UGT2B4: variants seen among roughly 807,000 people sequenced by gnomAD.
UGT2B4 encodes UDP glucuronosyltransferase family 2 member B4.
A neutral mutation model predicts 49.8 loss-of-function variants in UGT2B4; 49 were observed. The ratio of observed to expected loss-of-function variants is 0.98; its 90% CI spans 0.78 to 1.25. The LOEUF (loss-of-function observed/expected upper bound fraction) is 1.25. UGT2B4 is among the 50% of genes most tolerant of loss of function. The pLI, the probability that UGT2B4 is intolerant of heterozygous loss-of-function variation, is 0.00. For missense variants in UGT2B4, 729 were observed against 627.7 expected (o/e 1.16, Z -1.73); for synonymous variants, 246 against 217.7 (o/e 1.13, Z -1.14).
chr4:69,498,145 A>G (rs1728213536), upstream of UGT2B4, among the ~76,000 whole-genome samples: 1 of 152,244 alleles, frequency 6.6e-6, no homozygotes, highest in African/African-American at 2.4e-5. Context: ...TTGTGTAAAC[A>G]TAACTTTTAT....
intron 4 of UGT2B4, among the ~76,000 whole-genome samples, chr4:69,485,642 G>A (rs1727759058): frequency 1.3e-5 from 2 of 152,066 alleles, no homozygotes; most frequent in Admixed American, 1.3e-4. Flanking sequence ...ATTAATACAA[G>A]ATTACCAGTT....
chr4:69,525,381 G>A (rs2109837295), intron 1 of UGT2B4, among the ~76,000 whole-genome samples: 1 of 152,252 alleles, frequency 6.6e-6, no homozygotes, highest in Non-Finnish European at 1.5e-5. Context: ...CAAAAGCAAA[G>A]GCACTGATGT....
chr4:69,500,590 C>CAAGAAAAGA, upstream of UGT2B4, among the ~76,000 whole-genome samples: 4 of 61,000 alleles, frequency 6.6e-5, no homozygotes, highest in African/African-American at 2.2e-4. Flanking sequence ...AGCAAGAAAG[C>CAAGAAAAGA]AAGCAAGAAA....
chr4:69,495,292 A>C lies in UGT2B4; in HGVS notation c.570T>G (p.Pro190=). ...IEKHSGGLLF[P]PSYVPVVMSE... is the part of the protein sequence containing the mutation. ...ACATAACAACAGGCACATAGGAAGG[A>C]GGGAACAGAAGTCCTCCACTATGCT... Residue 190 remains proline, a synonymous_variant, in exon 1 of 6, where the codon CCT becomes CCG. Transcript: ENST00000305107. 8.1e-6 allele frequency: 13 copies of C among 1,613,196 alleles called. No homozygotes were observed. The highest frequency in any genetic ancestry group is 1.1e-5 in the Non-Finnish European group (13 of 1,179,670).
At chr4:69,517,660 G>C (rs765660761) in intron 1 of UGT2B4, 1 of 153,056 alleles carries the variant, frequency 6.5e-6, no homozygotes, top group Non-Finnish European at 1.5e-5. Flanking sequence ...TAAAAATAAA[G>C]AGTTTCTTAA....
At chr4:69,517,569 T>C (rs1412701105) in intron 1 of UGT2B4, 1 of 152,224 alleles carries the variant, frequency 6.6e-6, no homozygotes, top group Non-Finnish European at 1.5e-5. Context: ...CAACATTTTC[T>C]AAAATAAAAA....
chr4:69,488,020 T>C (rs1727846204), intron 3 of UGT2B4, among the ~76,000 whole-genome samples: 1 of 152,140 alleles, frequency 6.6e-6, no homozygotes, highest in South Asian at 2.1e-4. Flanking sequence ...AATGCAAGTC[T>C]ATAAAATAAG....
chr4:69,500,163 CAT>C (rs749984377), upstream of UGT2B4, among the ~76,000 whole-genome samples: 120 of 152,176 alleles, frequency 7.9e-4, 1 homozygote, highest in Non-Finnish European at 2.5e-4. Context: ...CCAAATACCA[CAT>C]GTTTTCACTT....
chr4:69,506,511 G>C (rs1196114587), intron 1 of UGT2B4, among the ~76,000 whole-genome samples: 2 of 151,994 alleles, frequency 1.3e-5, no homozygotes, highest in Non-Finnish European at 2.9e-5. Context: ...ACCCTCCAAA[G>C]ACTAAACCCA....
At chr4:69,482,039 T>C (rs1443287301) in intron 5 of UGT2B4, among the ~76,000 whole-genome samples, 2 of 152,210 alleles carry the variant, frequency 1.3e-5, no homozygotes, top group African/African-American at 4.8e-5. Flanking sequence ...CTTCTCCACT[T>C]TCCCATGCAC....
chr4:69,484,387 C>T (rs565685467), intron 5 of UGT2B4, among the ~76,000 whole-genome samples: 2 of 151,832 alleles, frequency 1.3e-5, no homozygotes, highest in Non-Finnish European at 2.9e-5. Flanking sequence ...GGTGAATGAG[C>T]TAATAAAGAG....
intron 1 of UGT2B4, among the ~76,000 whole-genome samples, chr4:69,501,942 A>G (rs1023597137): frequency 6.6e-6 from 1 of 151,998 alleles, no homozygotes; most frequent in Non-Finnish European, 1.5e-5. Flanking sequence ...GGTTGCAGAG[A>G]TCTGTGGGAG....
chr4:69,502,103 TTCTTTCTTTC>T (rs1362354371), intron 1 of UGT2B4, among the ~76,000 whole-genome samples: 2 of 105,846 alleles, frequency 1.9e-5, no homozygotes, highest in African/African-American at 8.7e-5. Flanking sequence ...CTTTCTTTCT[TTCTTTCTTTC>T]TTTCTTTCTT....
intron 4 of UGT2B4, 73 bp from the exon 5 acceptor site, chr4:69,485,500 T>A: frequency 1.3e-6 from 2 of 1,583,430 alleles, no homozygotes; most frequent in South Asian, 2.2e-5. Flanking sequence ...AGAATCTGAA[T>A]GTGACGGTGT....
At chr4:69,504,295 C>T (rs942590058) in intron 1 of UGT2B4, among the ~76,000 whole-genome samples, 3 of 152,106 alleles carry the variant, frequency 2.0e-5, no homozygotes, top group African/African-American at 7.2e-5. Flanking sequence ...TAAACAAGTA[C>T]ATTGTAACCC....
At chr4:69,501,803 G>A (rs1728325643) in intron 1 of UGT2B4, among the ~76,000 whole-genome samples, 1 of 152,076 alleles carries the variant, frequency 6.6e-6, no homozygotes, top group Non-Finnish European at 1.5e-5. Context: ...GGGCTGATAT[G>A]TACCCCCAGC....
In UGT2B4 at chr4:69,480,688, A is replaced by G. The variant is rs1357659403; in HGVS notation, c.1533T>C (p.Cys511=). Reference sequence around the variant, plus strand: ...TAACAAACTTCCAGACACAAAACAGACATTTTGTGATGATGAATATCACAG... The same window carrying G: ...TAACAAACTTCCAGACACAAAACAGGCATTTTGTGATGATGAATATCACAG... ...VATVIFIITK[C]LFCVWKFVRT... Residue 511 remains cysteine (C), a synonymous_variant, in exon 6 of 6, where the codon TGT becomes TGC. Transcript: ENST00000305107. 1.2e-6 allele frequency: 2 copies of G among 1,613,936 alleles called. No individual in the cohort carries two copies. Among genetic ancestry groups the G allele is most frequent in the South Asian group, 1.1e-5 (1 of 91,080 alleles).
intron 1 of UGT2B4, among the ~76,000 whole-genome samples, chr4:69,506,369 A>G (rs1401337041): frequency 6.6e-6 from 1 of 152,148 alleles, no homozygotes; most frequent in Non-Finnish European, 1.5e-5. Context: ...ATTCAAATAA[A>G]CACAATCAGA....
rs1727548789 is a variant in UGT2B4, at chr4:69,480,436, C to T, written c.*198G>A. On this transcript the variant is annotated 3_prime_UTR_variant, in exon 6 of 6. Transcript: ENST00000305107. ...ATGGCTTTATATCATTTTTGTTTTC[C>T]CTAATGTTTTCCTCCTTGACATGAA... 1.4e-5 allele frequency: 10 copies of T among 696,684 alleles called. No individual in the cohort carries two copies. The South Asian group carries it at 1.9e-4, about 13-fold the overall frequency. 43.2% of individuals were successfully genotyped at this position (696,684 alleles called of 1,614,324 possible). A position where few individuals can be genotyped will look rare whatever the true frequency, so the allele number is the denominator to read the frequency against.
Sources: allele counts gnomAD v4.1 joint callset (sites outside exome capture counted in the v4.1 genomes callset), GRCh38; gene constraint gnomAD v4.1.1; transcripts MANE v1.5; gene names NCBI Gene and HGNC (gene_info 2026-07-23, HGNC 2026-07-21).